The following LPP variants were observed in gnomAD, a reference collection of about 807,000 sequenced individuals.
LPP encodes the protein lipoma-preferred partner.
In LPP, 38 loss-of-function variants were observed where a neutral mutation model predicts 60.4. That is an observed-to-expected ratio of 0.63 (90% CI 0.49 to 0.83). The LOEUF is 0.83. Ranked by LOEUF, LPP falls within the 40% of genes least tolerant of loss-of-function variation. The probability of loss-of-function intolerance (pLI) is 0.00; values close to 1 mark genes in which losing one functional copy is unlikely to be tolerated. For missense variants in LPP, 902 were observed against 783.6 expected (o/e 1.15, Z -1.80); for synonymous variants, 328 against 290.8 (o/e 1.13, Z -1.30).
intron 9 of LPP, among the ~76,000 whole-genome samples, chr3:188,811,040 A>G (rs906076164): frequency 2.0e-5 from 3 of 152,114 alleles, no homozygotes; most frequent in African/African-American, 4.8e-5. Flanking sequence ...AATGGAATTC[A>G]TTAATTGTAG....
At position 188,346,251 on chromosome 3, in the gene LPP, C is replaced by CTTTTTTTTTTTTTTTTTTTTTTTTTTTT. The variant is rs1050679907; in HGVS notation, c.-10+4558_-10+4559insTTTTTTTTTTTTTTTTTTTTTTTTTTTT. ...CAGGGACCTGCCTAAAGTAGCAAAT[C>CTTTTTTTTTTTTTTTTTTTTTTTTTTTT]TTTTTTTTTTTTTTTTTTTTTTTTT... On this transcript the variant is annotated intron_variant, in intron 3 of 11. Transcript: ENST00000617246. Among the ~76,000 whole-genome samples, 6 of 88,340 alleles carry CTTTTTTTTTTTTTTTTTTTTTTTTTTTT rather than the reference C, an allele frequency of 6.8e-5. 1 individual carries two copies. Among genetic ancestry groups the CTTTTTTTTTTTTTTTTTTTTTTTTTTTT allele is most frequent in the East Asian group, 3.1e-4 (1 of 3,202 alleles). The allele number at this position is 88,340 out of a possible 152,430, so 58.0% of individuals were successfully genotyped here.
At chr3:188,335,893 C>G (rs1482658772) in intron 2 of LPP, among the ~76,000 whole-genome samples, 1 of 152,100 alleles carries the variant, frequency 6.6e-6, no homozygotes, top group African/African-American at 2.4e-5. Context: ...AAAAAGACTT[C>G]CGCTTGCAAT....
intron 1 of LPP, among the ~76,000 whole-genome samples, chr3:188,159,159 CTT>C (rs71665272): frequency 0.24 from 36,710 of 151,998 alleles, 4,548 homozygotes; most frequent in East Asian, 0.31. Flanking sequence ...AAGTGACAGT[CTT>C]GAACTCAGTC....
chr3:188,459,114 G>T (rs1798413381), intron 4 of LPP, among the ~76,000 whole-genome samples: 1 of 152,118 alleles, frequency 6.6e-6, no homozygotes, highest in South Asian at 2.1e-4. Flanking sequence ...AAGAGTTGTG[G>T]TTTTAATTTA....
intron 1 of LPP, among the ~76,000 whole-genome samples, chr3:188,161,440 A>T (rs559881713): frequency 1.3e-5 from 2 of 152,380 alleles, no homozygotes; most frequent in East Asian, 3.9e-4. Context: ...CAGCTTATCC[A>T]TCTTGGCTGG....
chr3:188,546,060 G>A (rs374962457), intron 6 of LPP, among the ~76,000 whole-genome samples: 74 of 152,232 alleles, frequency 4.9e-4, no homozygotes, highest in African/African-American at 1.8e-3. Flanking sequence ...ATATCTGCCA[G>A]ACATGTATAT....
At chr3:188,567,875 G>A (rs1832571616) in intron 6 of LPP, among the ~76,000 whole-genome samples, 1 of 151,954 alleles carries the variant, frequency 6.6e-6, no homozygotes, top group African/African-American at 2.4e-5. Flanking sequence ...TTCATCACCT[G>A]TATTTGGTGA....
chr3:188,419,739 AAT>A (rs1787273516), intron 4 of LPP, among the ~76,000 whole-genome samples: 1 of 151,904 alleles, frequency 6.6e-6, no homozygotes, highest in Non-Finnish European at 1.5e-5. Flanking sequence ...AAAATACAAA[AAT>A]TAGCCGGGCG....
chr3:188,705,511 T>G (rs959301073), intron 7 of LPP, among the ~76,000 whole-genome samples: 2 of 152,196 alleles, frequency 1.3e-5, no homozygotes, highest in African/African-American at 2.4e-5. Context: ...AAGTCACATG[T>G]ATGCAATTTA....
chr3:188,613,579 G>GT (rs1844284474), intron 7 of LPP, among the ~76,000 whole-genome samples: 1 of 152,116 alleles, frequency 6.6e-6, no homozygotes, highest in Non-Finnish European at 1.5e-5. Context: ...TAGTGTAGAG[G>GT]TTATGTTAAA....
intron 4 of LPP, among the ~76,000 whole-genome samples, chr3:188,478,749 TG>T (rs1803913216): frequency 6.6e-6 from 1 of 152,260 alleles, no homozygotes; most frequent in South Asian, 2.1e-4. Flanking sequence ...TATAGTTTTT[TG>T]TTTTTTTGTT....
intron 6 of LPP, among the ~76,000 whole-genome samples, chr3:188,562,639 C>T (rs1357613597): frequency 1.3e-5 from 2 of 151,928 alleles, no homozygotes; most frequent in African/African-American, 2.4e-5. Context: ...ATGTAACGTG[C>T]GGCACTTCTG....
intron 1 of LPP, among the ~76,000 whole-genome samples, chr3:188,196,200 G>T (rs1386637762): frequency 1.3e-5 from 2 of 152,114 alleles, no homozygotes; most frequent in Non-Finnish European, 2.9e-5. Flanking sequence ...ATAAATACAA[G>T]CATTGCAGAG....
chr3:188,215,564 C>T (rs551906403), intron 1 of LPP, among the ~76,000 whole-genome samples: 5 of 152,240 alleles, frequency 3.3e-5, no homozygotes, highest in East Asian at 1.9e-4. Flanking sequence ...TTTCACTAAG[C>T]GTAGTGTCCT....
intron 5 of LPP, among the ~76,000 whole-genome samples, chr3:188,498,767 T>A (rs1810977747): frequency 6.6e-6 from 1 of 152,132 alleles, no homozygotes; most frequent in Non-Finnish European, 1.5e-5. Context: ...CTGTTTCCAT[T>A]CCTCACAACA....
chr3:188,659,522 AT>A (rs1854092641), intron 7 of LPP, among the ~76,000 whole-genome samples: 1 of 152,150 alleles, frequency 6.6e-6, no homozygotes, highest in Non-Finnish European at 1.5e-5. Flanking sequence ...TATTCAACAA[AT>A]GTTTCTTCAA....
chr3:188,589,245 G>T (rs1838155967), intron 6 of LPP, among the ~76,000 whole-genome samples: 1 of 151,984 alleles, frequency 6.6e-6, no homozygotes, highest in Non-Finnish European at 1.5e-5. Context: ...GCAAAGATCT[G>T]AAAATTAAAA....
intron 9 of LPP, among the ~76,000 whole-genome samples, chr3:188,825,942 T>A (rs756729132): frequency 2.0e-5 from 3 of 152,086 alleles, no homozygotes; most frequent in Non-Finnish European, 4.4e-5. Context: ...GCAGAATGTA[T>A]AAGATATTTT....
At chr3:188,185,062 G>A (rs926955630) in intron 1 of LPP, among the ~76,000 whole-genome samples, 1 of 152,090 alleles carries the variant, frequency 6.6e-6, no homozygotes, top group Non-Finnish European at 1.5e-5. Flanking sequence ...GTTTGCACCT[G>A]GCCACTGGCA....
Sources: allele counts gnomAD v4.1 joint callset (sites outside exome capture counted in the v4.1 genomes callset), GRCh38; gene constraint gnomAD v4.1.1; transcripts MANE v1.5; gene names NCBI Gene and HGNC (gene_info 2026-07-23, HGNC 2026-07-21).